The following RGS7 variants were observed in gnomAD, a reference collection of about 807,000 sequenced individuals.
RGS7 encodes regulator of G protein signaling 7, also known as regulator of G-protein signaling 7.
Under a neutral mutation model 81.1 loss-of-function variants are expected in RGS7, and 27 were observed. That is an observed-to-expected ratio of 0.33 (90% CI 0.25 to 0.46). RGS7 has a LOEUF of 0.46. Ranked by LOEUF, RGS7 falls within the 20% of genes least tolerant of loss-of-function variation. The pLI is 1.00. For missense variants in RGS7, 396 were observed against 607.4 expected (o/e 0.65, Z 3.66); for synonymous variants, 208 against 207.7 (o/e 1.00, Z -0.01).
intron 4 of RGS7, among the ~76,000 whole-genome samples, chr1:240,948,870 C>A (rs1679088577): frequency 6.6e-6 from 1 of 150,424 alleles, no homozygotes; most frequent in African/African-American, 2.4e-5. Context: ...AATTTAAATT[C>A]TCACCAAAAG....
chr1:241,339,489 T>C (rs1479067550), intron 2 of RGS7, among the ~76,000 whole-genome samples: 1 of 152,244 alleles, frequency 6.6e-6, no homozygotes, highest in Non-Finnish European at 1.5e-5. Context: ...GCTATGGCTG[T>C]TGAATTGGTT....
chr1:241,250,874 A>G (rs1189232927), intron 2 of RGS7, among the ~76,000 whole-genome samples: 1 of 152,170 alleles, frequency 6.6e-6, no homozygotes, highest in Non-Finnish European at 1.5e-5. Context: ...CCGAATAGTG[A>G]GTGGTTCTGC....
At chr1:240,805,256 T>C (rs747397431) in intron 15 of RGS7, among the ~76,000 whole-genome samples, 16 of 152,020 alleles carry the variant, frequency 1.1e-4, no homozygotes, top group Non-Finnish European at 2.4e-4. Flanking sequence ...TGGTGGTGCA[T>C]GCCTATGGTC....
At chr1:241,209,213 T>C (rs1289182120) in intron 2 of RGS7, among the ~76,000 whole-genome samples, 2 of 152,182 alleles carry the variant, frequency 1.3e-5, no homozygotes, top group African/African-American at 4.8e-5. Context: ...AGTGCTTTGA[T>C]GGCCTGGGGC....
intron 2 of RGS7, among the ~76,000 whole-genome samples, chr1:241,166,700 A>G (rs1035222769): frequency 1.3e-5 from 2 of 152,328 alleles, no homozygotes; most frequent in Admixed American, 1.3e-4. Flanking sequence ...CAGTCTTCAG[A>G]TTGCAAGAGA....
At chr1:240,912,561 C>A (rs1671944458) in intron 6 of RGS7, among the ~76,000 whole-genome samples, 1 of 152,064 alleles carries the variant, frequency 6.6e-6, no homozygotes, top group Non-Finnish European at 1.5e-5. Context: ...GAGGGATGGT[C>A]AATCCTCAAA....
intron 2 of RGS7, among the ~76,000 whole-genome samples, chr1:241,334,155 G>C (rs1474675153): frequency 1.3e-5 from 2 of 152,006 alleles, no homozygotes; most frequent in Non-Finnish European, 2.9e-5. Flanking sequence ...CTCTACCTAG[G>C]ATAAACAGAT....
chr1:240,796,520 T>C (rs989907211), intron 18 of RGS7, among the ~76,000 whole-genome samples: 1 of 152,096 alleles, frequency 6.6e-6, no homozygotes, highest in African/African-American at 2.4e-5. Context: ...ACCCCATCTC[T>C]ACTAAAATAC....
intron 2 of RGS7, among the ~76,000 whole-genome samples, chr1:241,193,955 T>A (rs1006117350): frequency 1.3e-5 from 2 of 152,228 alleles, no homozygotes; most frequent in African/African-American, 4.8e-5. Flanking sequence ...CTAGTTGATA[T>A]GGAAGACAAA....
chr1:241,191,102 C>T (rs1374441074), intron 2 of RGS7, among the ~76,000 whole-genome samples: 1 of 152,088 alleles, frequency 6.6e-6, no homozygotes, highest in African/African-American at 2.4e-5. Flanking sequence ...CTGCCTCAGC[C>T]TCCCAAGTAG....
At chr1:240,899,678 T>C (rs1373376906) in intron 6 of RGS7, among the ~76,000 whole-genome samples, 2 of 152,212 alleles carry the variant, frequency 1.3e-5, no homozygotes, top group Non-Finnish European at 2.9e-5. Flanking sequence ...GGGCTTCCCT[T>C]TGTGGGTAAC....
intron 9 of RGS7, among the ~76,000 whole-genome samples, chr1:240,832,952 G>A (rs1402600978): frequency 6.6e-6 from 1 of 152,044 alleles, no homozygotes; most frequent in Admixed American, 6.6e-5. Flanking sequence ...TGAAACCACG[G>A]ATAGTACCAA....
chr1:241,050,607 G>A (rs2061196165), intron 3 of RGS7, among the ~76,000 whole-genome samples: 1 of 152,094 alleles, frequency 6.6e-6, no homozygotes, highest in Non-Finnish European at 1.5e-5. Context: ...GGTTTGAACT[G>A]CACAGGTCTG....
chr1:240,978,183 T>A (rs975494810), intron 4 of RGS7, among the ~76,000 whole-genome samples: 5 of 152,222 alleles, frequency 3.3e-5, no homozygotes, highest in Admixed American at 3.3e-4. Context: ...CCATCCACCC[T>A]GTCAATAACT....
In RGS7 at chr1:241,315,107, C is replaced by CTTTTTTTTTTTTT. The variant is rs5782184; in HGVS notation, c.78+40579_78+40591dup. On this transcript the variant is annotated intron_variant, in intron 2 of 18. Transcript: ENST00000440928. ...GAAGCTTTTTTTTTTTCTTCTTCTT[C>CTTTTTTTTTTTTT]TTTTTTTTTTTTTTTTTTTTTTTTT... Among the ~76,000 whole-genome samples, 112 of 57,434 alleles carry CTTTTTTTTTTTTT rather than the reference C, an allele frequency of 2.0e-3. 10 individuals carry two copies. The highest frequency in any genetic ancestry group is 4.4e-3 in the East Asian group (8 of 1,806). The allele number at this position is 57,434 out of a possible 152,430, so 37.7% of individuals were successfully genotyped here. A position where few individuals can be genotyped will look rare whatever the true frequency, so the allele number is the denominator to read the frequency against.
chr1:241,348,620 A>C (rs1259747482), intron 2 of RGS7, among the ~76,000 whole-genome samples: 1 of 152,234 alleles, frequency 6.6e-6, no homozygotes, highest in Non-Finnish European at 1.5e-5. Context: ...TAATCTGCAA[A>C]ATGAAAAAGT....
chr1:240,960,763 G>T (rs923545201), intron 4 of RGS7, among the ~76,000 whole-genome samples: 1 of 152,018 alleles, frequency 6.6e-6, no homozygotes, highest in Admixed American at 6.6e-5. Flanking sequence ...ACTTTTAAAA[G>T]AAAGTAACTA....
At position 241,223,354 on chromosome 1, in the gene RGS7, T is replaced by C. The variant is rs142557688; in HGVS notation, c.79-124592A>G. 2.2e-4 allele frequency among the ~76,000 whole-genome samples: 33 copies of C among 152,276 alleles called. No individual in the cohort carries two copies. The East Asian group carries it at 5.0e-3, about 23-fold the overall frequency. On this transcript the variant is annotated intron_variant, in intron 2 of 18. Transcript: ENST00000440928. ...GGCAAATGTCCTGATTTGCCAAGATTTGTCCTGATAAAGAAAATGTCCTGA... is the reference window on the plus strand; with the variant it reads ...GGCAAATGTCCTGATTTGCCAAGATCTGTCCTGATAAAGAAAATGTCCTGA...
At chr1:241,084,420 A>G (rs1026807408) in intron 3 of RGS7, among the ~76,000 whole-genome samples, 3 of 152,236 alleles carry the variant, frequency 2.0e-5, no homozygotes, top group African/African-American at 7.2e-5. Context: ...GATATTAAAT[A>G]TAACAGGTCC....
Sources: allele counts gnomAD v4.1 joint callset (sites outside exome capture counted in the v4.1 genomes callset), GRCh38; gene constraint gnomAD v4.1.1; transcripts MANE v1.5; gene names NCBI Gene and HGNC (gene_info 2026-07-23, HGNC 2026-07-21).